Variants in PRKCA observed in about 807,000 individuals in gnomAD.
PRKCA encodes protein kinase C alpha type.
In PRKCA, 27 loss-of-function variants were observed where a neutral mutation model predicts 87.0. The observed-to-expected ratio is 0.31, with a 90% CI of 0.23 to 0.43. The LOEUF (loss-of-function observed/expected upper bound fraction) is 0.43. Ranked by LOEUF, PRKCA falls within the 20% of genes least tolerant of loss-of-function variation. The pLI is 1.00. For synonymous variants in PRKCA, 329 were observed against 311.1 expected (o/e 1.06, Z -0.61); for missense variants, 518 against 852.3 (o/e 0.61, Z 4.88).
intron 14 of PRKCA, chr17:66,775,757 C>T (rs1975032181): frequency 1.8e-5 from 18 of 985,154 alleles, no homozygotes; most frequent in Middle Eastern, 5.2e-4. Flanking sequence ...TCACTCACCA[C>T]GTATTTATTC....
intron 5 of PRKCA, among the ~76,000 whole-genome samples, chr17:66,686,380 G>T (rs1328661849): frequency 2.6e-5 from 4 of 152,056 alleles, no homozygotes; most frequent in Non-Finnish European, 5.9e-5. Context: ...GGGACCCAAG[G>T]TTCTGCATGT....
intron 3 of PRKCA, among the ~76,000 whole-genome samples, chr17:66,631,295 T>G (rs1017291465): frequency 6.6e-6 from 1 of 152,144 alleles, no homozygotes; most frequent in Non-Finnish European, 1.5e-5. Flanking sequence ...GGTAAATAAT[T>G]TTTTTTAGGC....
chr17:66,794,301 A>G (rs970985686), intron 16 of PRKCA, among the ~76,000 whole-genome samples: 2 of 152,204 alleles, frequency 1.3e-5, no homozygotes, highest in African/African-American at 4.8e-5. Flanking sequence ...AGCAAGAGCC[A>G]AAGAGAATAA....
At chr17:66,571,520 G>T (rs1332001435) in intron 3 of PRKCA, among the ~76,000 whole-genome samples, 3 of 151,952 alleles carry the variant, frequency 2.0e-5, no homozygotes, top group Non-Finnish European at 4.4e-5. Context: ...AAGTTAATTT[G>T]GTGGAACCTT....
chr17:66,603,467 A>G (rs961284914), intron 3 of PRKCA, among the ~76,000 whole-genome samples: 2 of 152,178 alleles, frequency 1.3e-5, no homozygotes, highest in African/African-American at 4.8e-5. Context: ...GTCTAAATAG[A>G]GCATCTTTAG....
intron 16 of PRKCA, chr17:66,796,597 C>A (rs1293384053): frequency 1.0e-6 from 1 of 985,262 alleles, no homozygotes; most frequent in South Asian, 4.7e-5. Flanking sequence ...TGCACGTAGC[C>A]CGTTCCCTGA....
chr17:66,721,192 C>G (rs13341984), intron 8 of PRKCA, among the ~76,000 whole-genome samples: 1 of 151,888 alleles, frequency 6.6e-6, no homozygotes, highest in Non-Finnish European at 1.5e-5. Context: ...GTCAGGAGAT[C>G]GAGACCATCC....
At chr17:66,518,238 T>C (rs1210496278) in intron 3 of PRKCA, among the ~76,000 whole-genome samples, 1 of 152,206 alleles carries the variant, frequency 6.6e-6, no homozygotes, top group Non-Finnish European at 1.5e-5. Flanking sequence ...AAAGCAAACA[T>C]AAGCAGAGGT....
chr17:66,320,696 T>C (rs1176600333), intron 2 of PRKCA, among the ~76,000 whole-genome samples: 2 of 152,244 alleles, frequency 1.3e-5, no homozygotes, highest in Non-Finnish European at 2.9e-5. Context: ...ATTTTAACTC[T>C]GTGATTCTCT....
chr17:66,606,992 G>T (rs566509072), intron 3 of PRKCA, among the ~76,000 whole-genome samples: 1 of 152,166 alleles, frequency 6.6e-6, no homozygotes, highest in Non-Finnish European at 1.5e-5. Context: ...ATGACCCAGC[G>T]ATGGAGTTGT....
At chr17:66,751,397 C>T (rs562932130) in intron 13 of PRKCA, among the ~76,000 whole-genome samples, 7 of 152,148 alleles carry the variant, frequency 4.6e-5, no homozygotes, top group African/African-American at 1.7e-4. Context: ...CACAGGCTGG[C>T]GCCCTGATGC....
intron 8 of PRKCA, among the ~76,000 whole-genome samples, chr17:66,693,130 C>G (rs1446351409): frequency 6.6e-6 from 1 of 152,210 alleles, no homozygotes; most frequent in Non-Finnish European, 1.5e-5. Context: ...GGTTGGTTCT[C>G]AAATCTTGGC....
At chr17:66,665,593 T>G (rs1004798548) in intron 5 of PRKCA, among the ~76,000 whole-genome samples, 1 of 152,158 alleles carries the variant, frequency 6.6e-6, no homozygotes, top group African/African-American at 2.4e-5. Flanking sequence ...CAAAGTGTGC[T>G]GCTGGTCTAC....
intron 5 of PRKCA, among the ~76,000 whole-genome samples, chr17:66,658,488 C>T (rs9910578): frequency 0.57 from 86,795 of 151,378 alleles, 25,177 homozygotes; most frequent in African/African-American, 0.69. Context: ...ACTCTGTCTT[C>T]AAAAACAACA....
intron 3 of PRKCA, among the ~76,000 whole-genome samples, chr17:66,533,759 A>C (rs1178920738): frequency 6.6e-6 from 1 of 151,744 alleles, no homozygotes; most frequent in Non-Finnish European, 1.5e-5. Flanking sequence ...GCTGTTGTTG[A>C]CTCGGGGGAG....
chr17:66,587,612 GATTA>G (rs1032433731), intron 3 of PRKCA, among the ~76,000 whole-genome samples: 9 of 150,788 alleles, frequency 6.0e-5, no homozygotes, highest in South Asian at 2.1e-4. Context: ...TAGATTGATT[GATTA>G]GATAGATATA....
intron 2 of PRKCA, among the ~76,000 whole-genome samples, chr17:66,407,390 G>A (rs9674466): frequency 0.51 from 76,942 of 151,854 alleles, 21,653 homozygotes; most frequent in Non-Finnish European, 0.64. Context: ...ACTTGTGCCT[G>A]CAAGAAAGCT....
At chr17:66,759,954 A>C (rs1409863417) in intron 13 of PRKCA, among the ~76,000 whole-genome samples, 1 of 152,232 alleles carries the variant, frequency 6.6e-6, no homozygotes, top group Non-Finnish European at 1.5e-5. Context: ...CTGCAGGTAG[A>C]AATACATGAA....
chr17:66,591,773 G>A (rs1969812542), intron 3 of PRKCA, among the ~76,000 whole-genome samples: 1 of 152,184 alleles, frequency 6.6e-6, no homozygotes, highest in Admixed American at 6.5e-5. Flanking sequence ...GTCCAGAGCT[G>A]TCTCCCAGGT....
Sources: gnomAD v4.1 joint callset for allele counts (sites outside exome capture counted in the v4.1 genomes callset) on GRCh38, gnomAD v4.1.1 for gene constraint, MANE v1.5 for transcripts, NCBI Gene and HGNC (gene_info 2026-07-23, HGNC 2026-07-21) for gene names.